The following CDH12 variants were observed in gnomAD, a reference collection of about 807,000 sequenced individuals.
CDH12 encodes cadherin 12.
Under a neutral mutation model 74.1 loss-of-function variants are expected in CDH12, and 41 were observed. The ratio of observed to expected loss-of-function variants is 0.55; its 90% CI spans 0.43 to 0.72. The LOEUF (loss-of-function observed/expected upper bound fraction) is 0.72, where lower values mean the gene tolerates loss of function less well. Ranked by LOEUF, CDH12 falls within the 30% of genes least tolerant of loss-of-function variation. The probability of loss-of-function intolerance (pLI) is 0.00; values close to 1 mark genes in which losing one functional copy is unlikely to be tolerated. For missense variants in CDH12, 945 were observed against 977.2 expected (o/e 0.97, Z 0.44); for synonymous variants, 399 against 355.0 (o/e 1.12, Z -1.39).
chr5:22,335,967 C>T (rs1306001316), intron 3 of CDH12, among the ~76,000 whole-genome samples: 2 of 152,078 alleles, frequency 1.3e-5, no homozygotes, highest in African/African-American at 2.4e-5. Flanking sequence ...TTCTTAGAGA[C>T]TTACTGAATG....
chr5:22,135,316 T>G (rs1380522848), intron 4 of CDH12, among the ~76,000 whole-genome samples: 1 of 151,602 alleles, frequency 6.6e-6, no homozygotes, highest in Non-Finnish European at 1.5e-5. Context: ...TGAGTAAAAA[T>G]GACTAGGTCC....
intron 3 of CDH12, among the ~76,000 whole-genome samples, chr5:22,230,470 A>G (rs1389872581): frequency 9.4e-6 from 1 of 105,838 alleles, no homozygotes; most frequent in Non-Finnish European, 1.8e-5. Context: ...AAGAGATGTC[A>G]TAATTTTTTT....
At chr5:22,338,722 T>C (rs1739708818) in intron 3 of CDH12, among the ~76,000 whole-genome samples, 1 of 152,166 alleles carries the variant, frequency 6.6e-6, no homozygotes. Flanking sequence ...ATTTTTAAAA[T>C]TTAAACCTTT....
At chr5:22,799,334 T>A (rs983600683) in intron 1 of CDH12, among the ~76,000 whole-genome samples, 1 of 152,194 alleles carries the variant, frequency 6.6e-6, no homozygotes, top group African/African-American at 2.4e-5. Flanking sequence ...TTAAAAATCA[T>A]ACAGTAATGA....
chr5:22,250,451 G>A (rs1561255315), intron 3 of CDH12, among the ~76,000 whole-genome samples: 2 of 152,092 alleles, frequency 1.3e-5, no homozygotes, highest in Non-Finnish European at 2.9e-5. Context: ...TGGATGCTGC[G>A]TTCTAATCGT....
intron 1 of CDH12, among the ~76,000 whole-genome samples, chr5:22,576,617 G>A (rs1049766561): frequency 4.6e-5 from 7 of 152,118 alleles, no homozygotes; most frequent in Admixed American, 2.0e-4. Flanking sequence ...GGAAATTGCC[G>A]TTAAGCAAAT....
intron 3 of CDH12, among the ~76,000 whole-genome samples, chr5:22,367,395 C>T (rs1366240916): frequency 6.6e-6 from 1 of 152,142 alleles, no homozygotes; most frequent in Non-Finnish European, 1.5e-5. Context: ...AATTTGCTGT[C>T]TAGAATGTTA....
intron 3 of CDH12, among the ~76,000 whole-genome samples, chr5:22,403,450 G>C (rs540842745): frequency 6.6e-6 from 1 of 152,224 alleles, no homozygotes; most frequent in African/African-American, 2.4e-5. Flanking sequence ...ATGTAATTAT[G>C]GACTGAAGAG....
intron 3 of CDH12, among the ~76,000 whole-genome samples, chr5:22,385,298 CTAAA>C: frequency 6.6e-6 from 1 of 152,244 alleles, no homozygotes; most frequent in African/African-American, 2.4e-5. Flanking sequence ...ACAGATCTTT[CTAAA>C]TAGTTATCCA....
chr5:22,143,758 A>G (rs1226148672), intron 4 of CDH12: 9 of 152,218 alleles, frequency 5.9e-5, no homozygotes, highest in Non-Finnish European at 1.3e-4. Flanking sequence ...AAGAAAAAAA[A>G]TCTTTCAGAT....
At chr5:21,793,820 A>G (rs1344265814) in intron 10 of CDH12, among the ~76,000 whole-genome samples, 1 of 151,588 alleles carries the variant, frequency 6.6e-6, no homozygotes, top group Non-Finnish European at 1.5e-5. Context: ...AGCTTATGAA[A>G]TGATTCATTT....
intron 3 of CDH12, among the ~76,000 whole-genome samples, chr5:22,351,255 C>T (rs1414415547): frequency 6.6e-6 from 1 of 152,080 alleles, no homozygotes; most frequent in African/African-American, 2.4e-5. Flanking sequence ...TTGGGTACTT[C>T]AGATTGACAA....
intron 1 of CDH12, among the ~76,000 whole-genome samples, chr5:22,845,424 A>C (rs1737256549): frequency 6.6e-6 from 1 of 152,142 alleles, no homozygotes; most frequent in East Asian, 1.9e-4. Context: ...TAATAGGCAT[A>C]CTTTTGGGTG....
intron 1 of CDH12, among the ~76,000 whole-genome samples, chr5:22,675,930 T>A (rs1466878925): frequency 1.4e-5 from 2 of 141,818 alleles, no homozygotes; most frequent in Non-Finnish European, 3.1e-5. Context: ...TGAAGTATTT[T>A]AATTTTACTG....
At chr5:22,695,433 G>A (rs962521888) in intron 1 of CDH12, among the ~76,000 whole-genome samples, 1 of 152,048 alleles carries the variant, frequency 6.6e-6, no homozygotes, top group Non-Finnish European at 1.5e-5. Context: ...TATGTAGACC[G>A]ATGGAACAGA....
chr5:22,708,007 A>G (rs1284394642), intron 1 of CDH12, among the ~76,000 whole-genome samples: 1 of 152,182 alleles, frequency 6.6e-6, no homozygotes, highest in African/African-American at 2.4e-5. Context: ...TCTTAATGAA[A>G]TGATTTGAAG....
intron 1 of CDH12, among the ~76,000 whole-genome samples, chr5:22,530,294 C>T (rs945675255): frequency 6.6e-6 from 1 of 152,016 alleles, no homozygotes; most frequent in African/African-American, 2.4e-5. Context: ...TTTTGCTTTG[C>T]CATATATTTA....
At chr5:22,800,395 T>A (rs75334900) in intron 1 of CDH12, among the ~76,000 whole-genome samples, 2,986 of 152,246 alleles carry the variant, frequency 0.02, 91 homozygotes, top group African/African-American at 0.068. Flanking sequence ...ATAATAGATA[T>A]TTTTTAGGGT....
chr5:22,390,329 C>T (rs1176699923), intron 3 of CDH12, among the ~76,000 whole-genome samples: 1 of 152,106 alleles, frequency 6.6e-6, no homozygotes, highest in African/African-American at 2.4e-5. Flanking sequence ...AACTAGAAAA[C>T]TATGTCTACA....
Sources: gnomAD v4.1 joint callset for allele counts (sites outside exome capture counted in the v4.1 genomes callset) on GRCh38, gnomAD v4.1.1 for gene constraint, MANE v1.5 for transcripts, NCBI Gene and HGNC (gene_info 2026-07-23, HGNC 2026-07-21) for gene names.